The following SLCO3A1 variants were observed in gnomAD, a reference collection of about 807,000 sequenced individuals.
The protein encoded by SLCO3A1 is PGE1 transporter.
SLCO3A1 carries 27 observed loss-of-function variants against 63.1 expected under a neutral mutation model. That is an observed-to-expected ratio of 0.43 (90% confidence interval 0.32 to 0.59). The LOEUF is 0.59. Ranked by LOEUF, SLCO3A1 falls within the 20% of genes least tolerant of loss-of-function variation. SLCO3A1 has a pLI of 0.09. For synonymous variants in SLCO3A1, 473 were observed against 409.9 expected, an observed-to-expected ratio of 1.15 and a Z score of -1.86; for missense variants, 773 against 945.8, an observed-to-expected ratio of 0.82 and a Z score of 2.40.
At chr15:91,933,052 A>G (rs1194886493) in intron 2 of SLCO3A1, among the ~76,000 whole-genome samples, 1 of 151,032 alleles carries the variant, frequency 6.6e-6, no homozygotes, top group African/African-American at 2.4e-5. Context: ...AATTGGAATG[A>G]GAAAAGGAGG....
At chr15:92,029,767 C>T (rs1210794244) in intron 2 of SLCO3A1, among the ~76,000 whole-genome samples, 1 of 133,582 alleles carries the variant, frequency 7.5e-6, no homozygotes, top group African/African-American at 2.9e-5. Flanking sequence ...GGCCTCTGGC[C>T]CCAGGATCTG....
chr15:92,091,377 A>C (rs191354702), intron 2 of SLCO3A1, among the ~76,000 whole-genome samples: 1 of 152,162 alleles, frequency 6.6e-6, no homozygotes, highest in Non-Finnish European at 1.5e-5. Context: ...CCTTCCTTCC[A>C]CAGGGATCCT....
At position 91,885,901 on chromosome 15, in the gene SLCO3A1, T is replaced by C. The variant is rs540576304; in HGVS notation, c.181-30092T>C. On this transcript the variant is annotated intron_variant, in intron 1 of 9. Coordinates refer to ENST00000318445, the MANE Select transcript of SLCO3A1 (RefSeq NM_013272.4). This position sits in a 1 kb window ranked among gnomAD's most constrained non-coding sequence, Gnocchi z 4.7. ...TGTTTCAGGCAGAGGGACTAGGAAGTGCAAAGGCCCTGGGGTTGAAATATG... is the reference window on the plus strand; with the variant it reads ...TGTTTCAGGCAGAGGGACTAGGAAGCGCAAAGGCCCTGGGGTTGAAATATG... 6.6e-6 allele frequency among the ~76,000 whole-genome samples: 1 copy of C among 152,204 alleles called. No homozygotes were observed. Among genetic ancestry groups the C allele is most frequent in the African/African-American group, 2.4e-5 (1 of 41,532 alleles).
chr15:91,928,108 CCTTGT>C (rs1899096047), intron 2 of SLCO3A1, among the ~76,000 whole-genome samples: 1 of 152,156 alleles, frequency 6.6e-6, no homozygotes, highest in South Asian at 2.1e-4. Flanking sequence ...TAAATATCAG[CCTTGT>C]TACTGGTTGT....
chr15:91,975,892 A>G (rs1200706827), intron 2 of SLCO3A1, among the ~76,000 whole-genome samples: 1 of 152,238 alleles, frequency 6.6e-6, no homozygotes, highest in Non-Finnish European at 1.5e-5. Flanking sequence ...AAAAGACCTC[A>G]CTGAAGTGTG....
chr15:92,170,991 C>T (rs2048518045), intron 10 of SLCO3A1: 1 of 152,208 alleles, frequency 6.6e-6, no homozygotes, highest in Admixed American at 6.5e-5. Flanking sequence ...GATGCTCGAA[C>T]TTGCCCAGGA....
intron 2 of SLCO3A1, among the ~76,000 whole-genome samples, chr15:91,961,018 A>G (rs562996706): frequency 4.2e-4 from 64 of 152,198 alleles, no homozygotes; most frequent in African/African-American, 1.5e-3. Context: ...ATGAGGCTTT[A>G]TTTTACTCCG....
At chr15:92,119,765 G>A (rs2047839867) in intron 4 of SLCO3A1, among the ~76,000 whole-genome samples, 1 of 152,190 alleles carries the variant, frequency 6.6e-6, no homozygotes, top group Non-Finnish European at 1.5e-5. Context: ...GCAGGAAACT[G>A]ATTTGAGCTG....
intron 2 of SLCO3A1, among the ~76,000 whole-genome samples, chr15:92,046,894 T>C (rs2046870667): frequency 6.9e-6 from 1 of 144,488 alleles, no homozygotes; most frequent in African/African-American, 2.6e-5. Flanking sequence ...GAATTTCTAA[T>C]TTCTGATTTC....
intron 1 of SLCO3A1, among the ~76,000 whole-genome samples, chr15:91,915,430 T>A (rs1597116459): frequency 6.6e-6 from 1 of 152,172 alleles, no homozygotes; most frequent in Admixed American, 6.5e-5. Flanking sequence ...ACTGGAAATT[T>A]CCAGACGGAA....
downstream of SLCO3A1, among the ~76,000 whole-genome samples, chr15:92,166,591 C>G (rs993244712): frequency 6.6e-6 from 1 of 152,156 alleles, no homozygotes; most frequent in Admixed American, 6.5e-5. Flanking sequence ...CCAGCCCTTA[C>G]AGTCAAAAAG....
intron 9 of SLCO3A1, 82 bp from the exon 10 acceptor site, chr15:92,162,674 A>T: frequency 3.9e-6 from 6 of 1,521,568 alleles, no homozygotes; most frequent in Non-Finnish European, 4.4e-6. Context: ...TAGCAGTGCT[A>T]TAAGAAAAGC....
rs34074469 is a variant in SLCO3A1 at position 92,087,516 on chromosome 15, A to ATT, written c.647-7347_647-7346dup. On this transcript the variant is annotated intron_variant, in intron 2 of 9. Transcript: ENST00000318445. ...TTGCCTAGTACTTTTATTATCTATT[A>ATT]TTTTTTTTTTTTTTTTTTTGAGCTG... is the stretch of plus-strand genomic sequence containing the variant. Among the ~76,000 whole-genome samples the ATT allele has an allele frequency of 1.8e-3, 225 of 121,750 alleles. 4 individuals are homozygous for ATT. The highest frequency in any genetic ancestry group is 6.3e-3 in the African/African-American group (200 of 31,776). 79.9% of individuals were successfully genotyped at this position (121,750 alleles called of 152,430 possible).
At chr15:92,080,896 G>T (rs1361849244) in intron 2 of SLCO3A1, among the ~76,000 whole-genome samples, 1 of 147,922 alleles carries the variant, frequency 6.8e-6, no homozygotes, top group Non-Finnish European at 1.5e-5. Flanking sequence ...TTTTTTGGGC[G>T]GGGGAAGGTA....
At chr15:92,080,670 A>G (rs2047332820) in intron 2 of SLCO3A1, among the ~76,000 whole-genome samples, 1 of 152,210 alleles carries the variant, frequency 6.6e-6, no homozygotes, top group Admixed American at 6.5e-5. Context: ...CCCAGAGGCC[A>G]CACGGGGTAC....
intron 2 of SLCO3A1, among the ~76,000 whole-genome samples, chr15:92,002,901 A>G (rs2046272167): frequency 2.0e-5 from 3 of 152,132 alleles, no homozygotes; most frequent in Admixed American, 2.0e-4. Flanking sequence ...CCCCAGTTCT[A>G]CTTAATAGCT....
At chr15:91,858,363 A>G (rs1896973963) in intron 1 of SLCO3A1, among the ~76,000 whole-genome samples, 1 of 151,446 alleles carries the variant, frequency 6.6e-6, no homozygotes, top group African/African-American at 2.4e-5. Context: ...CCCAGGTAGT[A>G]AGAAATAAAA....
At chr15:92,021,687 G>A (rs1334508071) in intron 2 of SLCO3A1, among the ~76,000 whole-genome samples, 1 of 152,142 alleles carries the variant, frequency 6.6e-6, no homozygotes, top group African/African-American at 2.4e-5. Flanking sequence ...AAGCATTAAG[G>A]TCACAAAAAT....
intron 7 of SLCO3A1, among the ~76,000 whole-genome samples, chr15:92,136,782 G>A (rs1418863669): frequency 1.3e-5 from 2 of 152,068 alleles, no homozygotes; most frequent in South Asian, 2.1e-4. Flanking sequence ...TGCTGTCCTT[G>A]GTTTCTTGTA....
Sources: gnomAD v4.1 joint callset for allele counts (sites outside exome capture counted in the v4.1 genomes callset) on GRCh38, gnomAD v4.1.1 for gene constraint, Gnocchi (gnomAD v3.1) non-coding constraint, MANE v1.5 for transcripts, NCBI Gene and HGNC (gene_info 2026-07-23, HGNC 2026-07-21) for gene names.